Variants in ST18 observed in about 807,000 individuals in gnomAD.
The protein encoded by ST18 is ST18 C2H2C-type zinc finger transcription factor.
ST18 carries 50 observed loss-of-function variants against 110.0 expected under a neutral mutation model. That is an observed-to-expected ratio of 0.45 (90% CI 0.36 to 0.58). The LOEUF (loss-of-function observed/expected upper bound fraction) is 0.58. Ranked by LOEUF, ST18 falls within the 20% of genes least tolerant of loss-of-function variation. The probability of loss-of-function intolerance (pLI) is 0.00; values close to 1 mark genes in which losing one functional copy is unlikely to be tolerated. For missense variants in ST18, 1,306 were observed against 1,280.1 expected (o/e 1.02, Z -0.31); for synonymous variants, 461 against 452.4 (o/e 1.02, Z -0.24).
At chr8:52,154,627 G>A (rs2059588080) in intron 15 of ST18, 7 of 152,150 alleles carry the variant, frequency 4.6e-5, no homozygotes, top group Admixed American at 4.6e-4. Flanking sequence ...CAAGACCAAA[G>A]GGGAGCTCTT....
intron 2 of ST18, among the ~76,000 whole-genome samples, chr8:52,239,935 A>T (rs2093221535): frequency 6.6e-6 from 1 of 151,990 alleles, no homozygotes; most frequent in Non-Finnish European, 1.5e-5. Flanking sequence ...CTGGGACCAC[A>T]AGCAGATGCC....
At chr8:52,306,402 T>C (rs2095813388) in intron 2 of ST18, among the ~76,000 whole-genome samples, 1 of 152,098 alleles carries the variant, frequency 6.6e-6, no homozygotes, top group South Asian at 2.1e-4. Flanking sequence ...CCTTGATAAG[T>C]AGAACAGAAC....
intron 2 of ST18, among the ~76,000 whole-genome samples, chr8:52,295,032 C>T (rs573915781): frequency 6.6e-6 from 1 of 152,334 alleles, no homozygotes; most frequent in Non-Finnish European, 1.5e-5. Flanking sequence ...GGATAGGAGT[C>T]ATTTTCAGAC....
At chr8:52,343,433 T>C (rs1303921428) in intron 2 of ST18, among the ~76,000 whole-genome samples, 1 of 152,156 alleles carries the variant, frequency 6.6e-6, no homozygotes, top group Non-Finnish European at 1.5e-5. Context: ...GTACCAACCA[T>C]AGACGTTTCT....
Position 52,132,183 on chromosome 8 carries a change from G to A in ST18, c.2445-4C>T, listed in dbSNP as rs967646693. 1 of 1,607,288 alleles carries A rather than the reference G, an allele frequency of 6.2e-7. No individual in the cohort carries two copies. Among genetic ancestry groups the A allele is most frequent in the African/African-American group, 1.3e-5 (1 of 74,946 alleles). Reference sequence around the variant, plus strand: ...ATCACACCCTATCACAGGACATCTAGAGAGAAAGCAGAGACATTACCAGCC... The same window carrying A: ...ATCACACCCTATCACAGGACATCTAAAGAGAAAGCAGAGACATTACCAGCC... On this transcript the variant is annotated splice_region_variant and splice_polypyrimidine_tract_variant and intron_variant, in intron 21 of 25. Transcript: ENST00000689386.
chr8:52,256,448 G>A (rs1202451909), intron 2 of ST18, among the ~76,000 whole-genome samples: 4 of 152,174 alleles, frequency 2.6e-5, no homozygotes, highest in South Asian at 2.1e-4. Context: ...CTGCAGCCTC[G>A]ACTTCCTGGA....
In ST18 at chr8:52,180,208, T is replaced by A; in HGVS notation, c.191A>T (p.Tyr64Phe). The A allele has an allele frequency of 6.2e-7, 1 of 1,614,210 alleles. No homozygotes were observed. The highest frequency in any genetic ancestry group is 8.5e-7 in the Non-Finnish European group (1 of 1,180,032). ...TTCTTGGCAGTCTGCTTTTGGGCTG[T>A]AGTGTCGGGGCTTCATTAGCAGGGA... ...RKSLLMKPRH[Y>F]SPKADCQEDR... Residue 64 changes from tyrosine (Y) to phenylalanine (F), a missense_variant, in exon 9 of 26, where the codon TAC becomes TTC. By Grantham distance (22) the Tyr-to-Phe change is conservative (BLOSUM62 3). Coordinates refer to ENST00000689386, the MANE Select transcript of ST18 (RefSeq NM_001352837.2).
chr8:52,131,864 A>ACCC, intron 22 of ST18, 94 bp downstream of exon 22: 10 of 1,175,156 alleles, frequency 8.5e-6, no homozygotes, highest in Non-Finnish European at 9.7e-6. Context: ...ACAGTGAACA[A>ACCC]CCTTTAGGGG....
In ST18 at chr8:52,320,845, CTT is replaced by C. The variant is rs1039843430; in HGVS notation, c.-465+88481_-465+88482del. On this transcript the variant is annotated intron_variant, in intron 2 of 25. Coordinates refer to ENST00000689386, the MANE Select transcript of ST18 (RefSeq NM_001352837.2). Reference sequence around the variant, plus strand: ...CCACAGGAGACGCAGCCTAGAGAAACTTTAGACTGTGTATGAGGATATCCACA... The same window carrying C: ...CCACAGGAGACGCAGCCTAGAGAAACTAGACTGTGTATGAGGATATCCACA... 7.9e-5 allele frequency among the ~76,000 whole-genome samples: 12 copies of C among 152,126 alleles called. 1 individual carries two copies. The highest frequency in any genetic ancestry group is 2.7e-4 in the African/African-American group (11 of 41,422).
At chr8:52,158,252 A>T (rs1294216464) in intron 15 of ST18, among the ~76,000 whole-genome samples, 2 of 152,210 alleles carry the variant, frequency 1.3e-5, no homozygotes, top group African/African-American at 4.8e-5. Flanking sequence ...GATTAATTTC[A>T]TGGGCTTCAG....
chr8:52,154,975 G>C (rs2059681570), intron 15 of ST18: 1 of 152,074 alleles, frequency 6.6e-6, no homozygotes. Context: ...GCCGAGACGG[G>C]CGGATCACCT....
At chr8:52,205,872 G>A (rs1564056052) in intron 8 of ST18, among the ~76,000 whole-genome samples, 1 of 152,218 alleles carries the variant, frequency 6.6e-6, no homozygotes. Flanking sequence ...CCGGCCAGTG[G>A]TCTCTTTATA....
intron 15 of ST18, among the ~76,000 whole-genome samples, chr8:52,156,160 T>A (rs1291375867): frequency 1.3e-5 from 2 of 152,086 alleles, no homozygotes; most frequent in Non-Finnish European, 2.9e-5. Context: ...TCCCAGAGGG[T>A]CACTTCTTTT....
chr8:52,202,577 C>A (rs1446070339), intron 8 of ST18, among the ~76,000 whole-genome samples: 1 of 151,988 alleles, frequency 6.6e-6, no homozygotes, highest in South Asian at 2.1e-4. Flanking sequence ...TTGAAACAGA[C>A]AAGTAAAGAA....
chr8:52,344,740 A>G (rs975807935), intron 2 of ST18, among the ~76,000 whole-genome samples: 1 of 152,218 alleles, frequency 6.6e-6, no homozygotes, highest in African/African-American at 2.4e-5. Context: ...CTTAATCAGT[A>G]ACATATCAAA....
intron 2 of ST18, among the ~76,000 whole-genome samples, chr8:52,286,979 G>T (rs1486778957): frequency 6.6e-6 from 1 of 151,916 alleles, no homozygotes; most frequent in Non-Finnish European, 1.5e-5. Context: ...AAAACCACTG[G>T]TCTAAAGAAA....
intron 8 of ST18, among the ~76,000 whole-genome samples, chr8:52,195,810 T>C (rs1425587046): frequency 6.6e-6 from 1 of 151,586 alleles, no homozygotes; most frequent in African/African-American, 2.4e-5. Flanking sequence ...CTAAATTCTC[T>C]TTTTTTTGCT....
intron 23 of ST18, among the ~76,000 whole-genome samples, chr8:52,123,998 C>A (rs1244634946): frequency 6.6e-6 from 1 of 152,196 alleles, no homozygotes; most frequent in Non-Finnish European, 1.5e-5. Context: ...AGTTTACTTA[C>A]TACCACGTGA....
At chr8:52,263,460 A>G (rs1352948257) in intron 2 of ST18, among the ~76,000 whole-genome samples, 1 of 152,226 alleles carries the variant, frequency 6.6e-6, no homozygotes, top group African/African-American at 2.4e-5. Context: ...TGTGGAGGAC[A>G]TCAATTCTAT....
Sources: gnomAD v4.1 joint callset for allele counts (sites outside exome capture counted in the v4.1 genomes callset) on GRCh38, gnomAD v4.1.1 for gene constraint, MANE v1.5 for transcripts, NCBI Gene and HGNC (gene_info 2026-07-23, HGNC 2026-07-21) for gene names.